Variants in OXR1 observed in about 807,000 individuals in gnomAD.
OXR1 encodes oxidation resistance 1.
In OXR1, 41 loss-of-function variants were observed where a neutral mutation model predicts 104.6. The ratio of observed to expected loss-of-function variants is 0.39; its 90% CI spans 0.31 to 0.51. The LOEUF is 0.51. Among genes scored for constraint, OXR1 ranks in the 20% least tolerant of loss-of-function variants. The pLI, the probability that OXR1 is intolerant of heterozygous loss-of-function variation, is 0.77. For synonymous variants in OXR1, 348 were observed against 348.4 expected (o/e 1.00, Z 0.01); for missense variants, 955 against 1,031.9 (o/e 0.93, Z 1.02).
intron 3 of OXR1, among the ~76,000 whole-genome samples, chr8:106,561,405 A>G (rs1816670251): frequency 6.6e-6 from 1 of 152,188 alleles, no homozygotes; most frequent in South Asian, 2.1e-4. Flanking sequence ...CAAAACTGCT[A>G]TAGCCAGACT....
At chr8:106,327,236 T>TAAAAAA (rs888082019) in intron 1 of OXR1, among the ~76,000 whole-genome samples, 5 of 152,204 alleles carry the variant, frequency 3.3e-5, no homozygotes, top group African/African-American at 1.2e-4. Context: ...TTGTGGAGAT[T>TAAAAAA]AAAAATATAG....
At chr8:106,529,905 T>A (rs1813966184) in intron 3 of OXR1, among the ~76,000 whole-genome samples, 1 of 152,226 alleles carries the variant, frequency 6.6e-6, no homozygotes, top group African/African-American at 2.4e-5. Context: ...ATGGACATTG[T>A]TCATGGTTGA....
intron 7 of OXR1, among the ~76,000 whole-genome samples, chr8:106,701,678 T>C (rs1200572043): frequency 6.6e-6 from 1 of 152,208 alleles, no homozygotes; most frequent in Admixed American, 6.5e-5. Flanking sequence ...TACAGAGGAA[T>C]TATATATAGC....
intron 1 of OXR1, among the ~76,000 whole-genome samples, chr8:106,275,419 T>G (rs901857610): frequency 2.0e-5 from 3 of 152,048 alleles, no homozygotes; most frequent in African/African-American, 4.8e-5. Context: ...GCACTGGTAG[T>G]TAGAGGAAGC....
At chr8:106,294,803 CAG>C (rs1389996229) in intron 1 of OXR1, among the ~76,000 whole-genome samples, 1 of 152,140 alleles carries the variant, frequency 6.6e-6, no homozygotes, top group East Asian at 1.9e-4. Context: ...AACCATATCA[CAG>C]GGTAACTCAA....
chr8:106,727,609 T>C (rs1367083139), intron 11 of OXR1, among the ~76,000 whole-genome samples: 2 of 151,978 alleles, frequency 1.3e-5, no homozygotes, highest in Non-Finnish European at 2.9e-5. Flanking sequence ...TTATAGAGAC[T>C]AGGTTTCGCC....
intron 2 of OXR1, among the ~76,000 whole-genome samples, chr8:106,370,835 C>A (rs1816676032): frequency 6.6e-6 from 1 of 152,150 alleles, no homozygotes; most frequent in Non-Finnish European, 1.5e-5. Context: ...CCATGTTCAT[C>A]AGGGATATTG....
At chr8:106,664,121 G>A (rs1270291306) in intron 3 of OXR1, among the ~76,000 whole-genome samples, 1 of 152,172 alleles carries the variant, frequency 6.6e-6, no homozygotes, top group Non-Finnish European at 1.5e-5. Flanking sequence ...TCTTAATAGT[G>A]TATCATTTAG....
chr8:106,616,617 C>A (rs1821262393), intron 3 of OXR1, among the ~76,000 whole-genome samples: 1 of 152,046 alleles, frequency 6.6e-6, no homozygotes, highest in African/African-American at 2.4e-5. Flanking sequence ...AGTCAATGAC[C>A]AGTTATTATG....
chr8:106,599,418 T>C (rs1483479354), intron 3 of OXR1, among the ~76,000 whole-genome samples: 1 of 152,182 alleles, frequency 6.6e-6, no homozygotes, highest in Non-Finnish European at 1.5e-5. Context: ...CTATATATAT[T>C]TTTTCCTTCT....
intron 3 of OXR1, among the ~76,000 whole-genome samples, chr8:106,660,946 A>G (rs1435012242): frequency 6.6e-6 from 1 of 151,988 alleles, no homozygotes; most frequent in Non-Finnish European, 1.5e-5. Flanking sequence ...CCAGGAGGCA[A>G]GGTTGCAGTG....
At chr8:106,550,689 A>G (rs558602195) in intron 3 of OXR1, among the ~76,000 whole-genome samples, 3 of 152,250 alleles carry the variant, frequency 2.0e-5, no homozygotes, top group African/African-American at 7.2e-5. Context: ...ACCTGTTGCC[A>G]TGTAAGACAT....
chr8:106,400,005 T>G (rs1396350183), intron 2 of OXR1, among the ~76,000 whole-genome samples: 1 of 152,198 alleles, frequency 6.6e-6, no homozygotes, highest in East Asian at 1.9e-4. Context: ...GTTGTGGCCC[T>G]TCTGTTCTAC....
intron 2 of OXR1, among the ~76,000 whole-genome samples, chr8:106,424,279 A>C (rs921383240): frequency 1.3e-5 from 2 of 152,306 alleles, no homozygotes; most frequent in Admixed American, 1.3e-4. Context: ...TGTAAATAAA[A>C]GGGAAAATAT....
chr8:106,488,806 A>C (rs1435890179), intron 2 of OXR1, among the ~76,000 whole-genome samples: 1 of 149,648 alleles, frequency 6.7e-6, no homozygotes, highest in Non-Finnish European at 1.5e-5. Context: ...TACCAGTACC[A>C]TGCTGTTTTG....
At chr8:106,559,148 C>A (rs188839406) in intron 3 of OXR1, among the ~76,000 whole-genome samples, 3 of 152,254 alleles carry the variant, frequency 2.0e-5, no homozygotes, top group Admixed American at 2.0e-4. Flanking sequence ...AAGTTCTATC[C>A]TCCACAAAAC....
chr8:106,525,247 C>T (rs1813570758), intron 3 of OXR1, among the ~76,000 whole-genome samples: 1 of 152,204 alleles, frequency 6.6e-6, no homozygotes, highest in Non-Finnish European at 1.5e-5. Flanking sequence ...AATTTATTCA[C>T]ATTATCTCAC....
At chr8:106,682,291 C>CA (rs1214654892) in intron 4 of OXR1, among the ~76,000 whole-genome samples, 4 of 119,584 alleles carry the variant, frequency 3.3e-5, no homozygotes, top group Non-Finnish European at 6.6e-5. Flanking sequence ...TTTTTTGAGA[C>CA]AGAGTCTCGC....
chr8:106,619,903 C>T (rs1014465802), intron 3 of OXR1, among the ~76,000 whole-genome samples: 4 of 152,122 alleles, frequency 2.6e-5, no homozygotes. Context: ...CCAGCCCATT[C>T]TCCTTTCCCC....
Sources: gnomAD v4.1 joint callset for allele counts (sites outside exome capture counted in the v4.1 genomes callset) on GRCh38, gnomAD v4.1.1 for gene constraint, MANE v1.5 for transcripts, NCBI Gene and HGNC (gene_info 2026-07-23, HGNC 2026-07-21) for gene names.